MYO5C: variants seen among roughly 807,000 people sequenced by gnomAD.
MYO5C encodes the protein myosin VC, also known as unconventional myosin-Vc.
MYO5C carries 194 observed loss-of-function variants against 235.7 expected under a neutral mutation model. The ratio of observed to expected loss-of-function variants is 0.82; its 90% confidence interval spans 0.73 to 0.93. The LOEUF is 0.93. Among genes scored for constraint, MYO5C ranks in the 40% least tolerant of loss-of-function variants. MYO5C has a pLI of 0.00. For missense variants in MYO5C, 2,038 were observed against 2,127.2 expected (o/e 0.96, Z 0.82); for synonymous variants, 707 against 754.8 (o/e 0.94, Z 1.04).
intron 24 of MYO5C, among the ~76,000 whole-genome samples, chr15:52,231,637 T>G (rs1368475993): frequency 1.3e-5 from 2 of 152,234 alleles, no homozygotes; most frequent in African/African-American, 2.4e-5. Context: ...TTTAGAATCC[T>G]GCTTCCTCAC....
intron 33 of MYO5C, 70 bp from the exon 34 acceptor site, chr15:52,213,356 T>C: frequency 9.2e-7 from 1 of 1,091,136 alleles, no homozygotes; most frequent in Non-Finnish European, 1.4e-6. Flanking sequence ...ATGTGACTAC[T>C]CTCCTACCCC....
At chr15:52,228,309 A>T (rs929054789) in intron 25 of MYO5C, among the ~76,000 whole-genome samples, 5 of 152,128 alleles carry the variant, frequency 3.3e-5, no homozygotes, top group African/African-American at 1.2e-4. Flanking sequence ...ACGCCCAGCC[A>T]ATTTTTGTAT....
In MYO5C at chr15:52,295,514, C is replaced by T. The variant is rs929812565; in HGVS notation, c.27+96G>A. On this transcript the variant is annotated intron_variant, in intron 1 of 40. Transcript: ENST00000261839. ...CGCCCGCCCTGCCGTGTCAGGTGCG[C>T]AGGTGTGGCAGGTGTGGCCCGGGCG... 2.0e-5 allele frequency: 27 copies of T among 1,370,480 alleles called. No homozygotes were observed. In the African/African-American group the frequency reaches 3.5e-4, roughly 18 times the overall value. 84.9% of individuals were successfully genotyped at this position (1,370,480 alleles called of 1,614,324 possible). A position where few individuals can be genotyped will look rare whatever the true frequency, so the allele number is the denominator to read the frequency against.
intron 13 of MYO5C, chr15:52,250,870 T>G (rs1370840379): frequency 6.6e-6 from 1 of 152,202 alleles, no homozygotes; most frequent in African/African-American, 2.4e-5. Context: ...ATAATGTGAT[T>G]TTAACAAAAA....
At position 52,244,411 on chromosome 15, in the gene MYO5C, C is replaced by T. The variant is rs1311973016; in HGVS notation, c.2335G>A (p.Glu779Lys). 6.2e-7 allele frequency: 1 copy of T among 1,614,060 alleles called. No individual in the cohort carries two copies. Among genetic ancestry groups the T allele is most frequent in the Non-Finnish European group, 8.5e-7 (1 of 1,180,030 alleles). Residue 779 changes from glutamate to lysine, a missense_variant, in exon 19 of 41, where the codon GAG (glutamate) becomes AAG (lysine). Glu to Lys is a moderately conservative substitution (Grantham distance 56). Coordinates refer to ENST00000261839, the MANE Select transcript of MYO5C (RefSeq NM_018728.4). ...TGGATTATCAGGGCGGCTCGTCTCT[C>T]TCGGAGGAATTTTTTCCTCTGGAGC... is the stretch of plus-strand genomic sequence containing the variant. ...GWLQRKKFLR[E>K]RRAALIIQQY...
At chr15:52,252,133 C>T (rs927367010) in intron 12 of MYO5C, among the ~76,000 whole-genome samples, 2 of 152,196 alleles carry the variant, frequency 1.3e-5, no homozygotes, top group South Asian at 4.2e-4. Flanking sequence ...AAGAACAAAA[C>T]TTTAAAAAGA....
chr15:52,270,328 T>G (rs1442466828), intron 7 of MYO5C, among the ~76,000 whole-genome samples: 5 of 152,114 alleles, frequency 3.3e-5, no homozygotes, highest in Non-Finnish European at 5.9e-5. Flanking sequence ...ACACAGAAGC[T>G]GAGACTCAGG....
intron 3 of MYO5C, 99 bp downstream of exon 3, chr15:52,279,410 C>T: frequency 1.6e-6 from 2 of 1,260,516 alleles, no homozygotes; most frequent in Admixed American, 2.4e-5. Context: ...TTACAACAAA[C>T]TCTGGGTGCT....
At chr15:52,223,870 A>C in intron 28 of MYO5C, 146 bp from the exon 29 acceptor site, 1 of 623,276 alleles carries the variant, frequency 1.6e-6, no homozygotes, top group East Asian at 3.0e-5. Context: ...AGGCTACAGA[A>C]TCAGGAATGC....
chr15:52,289,034 G>A (rs1033673919), intron 1 of MYO5C, among the ~76,000 whole-genome samples: 55 of 152,160 alleles, frequency 3.6e-4, no homozygotes, highest in African/African-American at 2.4e-5. Flanking sequence ...GGACAAGATG[G>A]GACGACATGT....
chr15:52,200,025 C>T (rs767754015), intron 38 of MYO5C, among the ~76,000 whole-genome samples: 11 of 152,186 alleles, frequency 7.2e-5, no homozygotes, highest in Non-Finnish European at 1.5e-4. Flanking sequence ...CCTGAGCCCA[C>T]GCATGAATCT....
intron 1 of MYO5C, among the ~76,000 whole-genome samples, chr15:52,294,813 C>G (rs558544487): frequency 6.6e-6 from 1 of 152,268 alleles, no homozygotes; most frequent in East Asian, 1.9e-4. Flanking sequence ...AGGTGGAGCC[C>G]CAGCCAGCAG....
At position 52,236,351 on chromosome 15, in the gene MYO5C, G is replaced by A. The variant is rs369392248; in HGVS notation, c.2869-588C>T. Among the ~76,000 whole-genome samples, 8 of 152,336 alleles carry A rather than the reference G, an allele frequency of 5.3e-5. No homozygotes were observed. The East Asian group carries it at 1.2e-3, about 22-fold the overall frequency. ...AAAGGGATGTCTTCTGGGCCTCCAA[G>A]CCACCAACCCTGGGTGCTAGGACTT... is the stretch of plus-strand genomic sequence containing the variant. On this transcript the variant is annotated intron_variant, in intron 22 of 40. Transcript: ENST00000261839.
rs71130143 is a variant in MYO5C, at chr15:52,241,250, CTTTTTTTT to C, written c.2556+790_2556+797del. On this transcript the variant is annotated intron_variant, in intron 20 of 40. Coordinates refer to ENST00000261839, the MANE Select transcript of MYO5C (RefSeq NM_018728.4). ...GTCTGTGGGGTGGCAGTGGGCTAAT[CTTTTTTTT>C]TTTTTTTTTTTTTTTTTTTGAGACG... Among the ~76,000 whole-genome samples, 6 of 59,578 alleles carry C rather than the reference CTTTTTTTT, an allele frequency of 1.0e-4. No homozygotes were observed. The Admixed American group carries it at 1.1e-3, about 10-fold the overall frequency. The allele number at this position is 59,578 out of a possible 152,430, so 39.1% of individuals were successfully genotyped here.
chr15:52,248,918 C>T, intron 13 of MYO5C, 135 bp from the exon 14 acceptor site: 1 of 640,226 alleles, frequency 1.6e-6, no homozygotes, highest in Non-Finnish European at 2.7e-6. Flanking sequence ...CGTCTGGCTT[C>T]TGTGCATCAT....
In MYO5C at chr15:52,204,847, G is replaced by T; in HGVS notation, c.4820+18C>A. 2 of 1,611,094 alleles carry T rather than the reference G, an allele frequency of 1.2e-6. No homozygotes were observed. Among genetic ancestry groups the T allele is most frequent in the South Asian group, 1.1e-5 (1 of 90,980 alleles). On this transcript the variant is annotated intron_variant, in intron 38 of 40. Coordinates refer to ENST00000261839, the MANE Select transcript of MYO5C (RefSeq NM_018728.4). ...TTCTGCAGGCCTCTCCGCGTGAGCG[G>T]AGGTTTCTGGGTTTTACCTGATCTG...
At chr15:52,196,173 G>T in intron 39 of MYO5C, 136 bp downstream of exon 39, 1 of 682,176 alleles carries the variant, frequency 1.5e-6, no homozygotes, top group South Asian at 2.7e-5. Flanking sequence ...AAAAGGGTGG[G>T]CCATGGGTGA....
At chr15:52,198,071 G>C (rs1276950678) in intron 38 of MYO5C, among the ~76,000 whole-genome samples, 1 of 151,958 alleles carries the variant, frequency 6.6e-6, no homozygotes, top group Non-Finnish European at 1.5e-5. Context: ...GGTGGCTCAC[G>C]CCTATAATCC....
intron 14 of MYO5C, among the ~76,000 whole-genome samples, chr15:52,247,990 AC>A (rs1236982349): frequency 4.6e-5 from 7 of 151,982 alleles, no homozygotes; most frequent in Non-Finnish European, 8.8e-5. Flanking sequence ...TTCCAGCCCC[AC>A]CCACTTCGCA....
Sources: allele counts gnomAD v4.1 joint callset (sites outside exome capture counted in the v4.1 genomes callset), GRCh38; gene constraint gnomAD v4.1.1; transcripts MANE v1.5; gene names NCBI Gene and HGNC (gene_info 2026-07-23, HGNC 2026-07-21).